The following MATCAP2 variants were observed in gnomAD, a reference collection of about 807,000 sequenced individuals.
The protein encoded by MATCAP2 is microtubule associated tyrosine carboxypeptidase 2.
At chr7:36,360,883 C>T in the MATCAP2 span, among the ~76,000 whole-genome samples, 1 of 152,008 alleles carries the variant, frequency 6.6e-6, no homozygotes, top group East Asian at 1.9e-4. Flanking sequence ...CTCGTGTTTT[C>T]CCAGAAAAGT....
chr7:36,341,411 C>T, the MATCAP2 span, among the ~76,000 whole-genome samples: 1 of 152,330 alleles, frequency 6.6e-6, no homozygotes, highest in South Asian at 2.1e-4. Flanking sequence ...CAAAGGTAGA[C>T]TCCTGATTGT....
chr7:36,388,475 G>T, the MATCAP2 span, among the ~76,000 whole-genome samples: 1 of 152,232 alleles, frequency 6.6e-6, no homozygotes, highest in African/African-American at 2.4e-5. Flanking sequence ...CTGCTAAGAT[G>T]GACATATTAT....
chr7:36,337,098 CAAAAAAAAAAAAA>C, the MATCAP2 span, among the ~76,000 whole-genome samples: 2 of 18,522 alleles, frequency 1.1e-4, no homozygotes, highest in Non-Finnish European at 1.7e-4. Flanking sequence ...AACTCCATCT[CAAAAAAAAAAAAA>C]AAAAAAAAAA....
the MATCAP2 span, among the ~76,000 whole-genome samples, chr7:36,366,082 C>T: frequency 2.0e-5 from 3 of 152,196 alleles, no homozygotes; most frequent in Non-Finnish European, 2.9e-5. Flanking sequence ...GTAGGTACTG[C>T]ATTGCTCTAA....
the MATCAP2 span, among the ~76,000 whole-genome samples, chr7:36,367,748 T>C: frequency 1.3e-5 from 2 of 152,172 alleles, no homozygotes; most frequent in Non-Finnish European, 2.9e-5. Context: ...CATTAGCAAG[T>C]ATGAAAATTT....
chr7:36,385,213 C>T, the MATCAP2 span, among the ~76,000 whole-genome samples: 11 of 152,328 alleles, frequency 7.2e-5, no homozygotes, highest in South Asian at 1.9e-3. Context: ...AAATGGGTAG[C>T]ATTGCTGTCA....
At chr7:36,381,983 C>A in the MATCAP2 span, among the ~76,000 whole-genome samples, 1 of 152,028 alleles carries the variant, frequency 6.6e-6, no homozygotes, top group African/African-American at 2.4e-5. Context: ...CTGTTACATT[C>A]TCTTGTATCA....
At chr7:36,329,584 G>C in the MATCAP2 span, among the ~76,000 whole-genome samples, 2 of 152,206 alleles carry the variant, frequency 1.3e-5, no homozygotes, top group Non-Finnish European at 2.9e-5. Context: ...TTAAGACACA[G>C]GCACAGCCAT....
At chr7:36,379,628 G>A in the MATCAP2 span, among the ~76,000 whole-genome samples, 13,699 of 151,822 alleles carry the variant, frequency 0.09, 760 homozygotes, top group East Asian at 0.16. Flanking sequence ...ATGTACAGTC[G>A]TGTGTTACTT....
chr7:36,366,723 G>A, the MATCAP2 span: 1 of 1,535,342 alleles, frequency 6.5e-7, no homozygotes, highest in Non-Finnish European at 8.7e-7. Flanking sequence ...GTGACGAAAG[G>A]ATAAGGGGCC....
chr7:36,380,657 G>A, the MATCAP2 span, among the ~76,000 whole-genome samples: 17 of 152,330 alleles, frequency 1.1e-4, no homozygotes, highest in South Asian at 6.2e-4. Context: ...GGAAATCTTA[G>A]ACTATTCACA....
At chr7:36,360,269 T>C in the MATCAP2 span, among the ~76,000 whole-genome samples, 2 of 152,174 alleles carry the variant, frequency 1.3e-5, no homozygotes, top group African/African-American at 4.8e-5. Flanking sequence ...AAATTCATAA[T>C]TTTGTGCCAT....
the MATCAP2 span, among the ~76,000 whole-genome samples, chr7:36,358,949 T>A: frequency 4.1e-4 from 62 of 152,326 alleles, no homozygotes; most frequent in Middle Eastern, 3.4e-3. Flanking sequence ...CAGATTCAAT[T>A]CTAAACTGAT....
At chr7:36,381,761 G>A in the MATCAP2 span, among the ~76,000 whole-genome samples, 16 of 152,194 alleles carry the variant, frequency 1.1e-4, no homozygotes, top group Middle Eastern at 3.4e-3. Context: ...TAAGTGCCAG[G>A]CATGAATGGG....
the MATCAP2 span, among the ~76,000 whole-genome samples, chr7:36,348,832 T>C: frequency 6.6e-6 from 1 of 152,152 alleles, no homozygotes; most frequent in African/African-American, 2.4e-5. Context: ...CATAAGCATA[T>C]AGAAACTAAA....
At chr7:36,340,037 A>AT in the MATCAP2 span, among the ~76,000 whole-genome samples, 1 of 151,880 alleles carries the variant, frequency 6.6e-6, no homozygotes, top group Non-Finnish European at 1.5e-5. Context: ...TAATTTTTGT[A>AT]TTTTTTAGTA....
At chr7:36,338,737 T>C in the MATCAP2 span, among the ~76,000 whole-genome samples, 2 of 152,240 alleles carry the variant, frequency 1.3e-5, no homozygotes, top group South Asian at 2.1e-4. Flanking sequence ...TTTTAAAGGT[T>C]TGAATAAGAA....
At chr7:36,366,964 C>CG in the MATCAP2 span, 1 of 1,342,586 alleles carries the variant, frequency 7.4e-7, no homozygotes, top group Admixed American at 4.0e-5. Flanking sequence ...CCCGGGGCGG[C>CG]GGGCTCCGCG....
chr7:36,338,361 G>A, the MATCAP2 span, among the ~76,000 whole-genome samples: 4 of 151,846 alleles, frequency 2.6e-5, no homozygotes, highest in Non-Finnish European at 5.9e-5. Context: ...ACAGTAGCGC[G>A]ATCATGGCTC....
Sources: allele counts gnomAD v4.1 joint callset (sites outside exome capture counted in the v4.1 genomes callset), GRCh38; gene constraint gnomAD v4.1.1; transcripts MANE v1.5; gene names NCBI Gene and HGNC (gene_info 2026-07-23, HGNC 2026-07-21).